FAM83B: variants seen among roughly 807,000 people sequenced by gnomAD.
FAM83B encodes the protein protein FAM83B.
In FAM83B, 26 loss-of-function variants were observed where a neutral mutation model predicts 38.8. That is an observed-to-expected ratio of 0.67 (90% CI 0.49 to 0.93). The LOEUF (loss-of-function observed/expected upper bound fraction) is 0.93, where lower values mean the gene tolerates loss of function less well. Ranked by LOEUF, FAM83B falls within the 40% of genes least tolerant of loss-of-function variation. The pLI is 0.00. For synonymous variants in FAM83B, 419 were observed against 423.1 expected, an observed-to-expected ratio of 0.99 and a Z score of 0.12; for missense variants, 1,237 against 1,197.3, an observed-to-expected ratio of 1.03 and a Z score of -0.49.
intron 2 of FAM83B, among the ~76,000 whole-genome samples, chr6:54,892,808 G>C (rs984126807): frequency 6.6e-6 from 1 of 151,946 alleles, no homozygotes; most frequent in Non-Finnish European, 1.5e-5. Context: ...CCCTCCAAAA[G>C]GTGGAGCCAA....
intron 2 of FAM83B, among the ~76,000 whole-genome samples, chr6:54,919,221 A>G (rs1773116417): frequency 6.6e-6 from 1 of 152,132 alleles, no homozygotes; most frequent in African/African-American, 2.4e-5. Context: ...TTTCCTTATT[A>G]GAGCAAAAGT....
chr6:54,869,488 A>AT (rs1771793378), intron 1 of FAM83B, among the ~76,000 whole-genome samples: 1 of 151,526 alleles, frequency 6.6e-6, no homozygotes, highest in Non-Finnish European at 1.5e-5. Context: ...TTTTTCTTTA[A>AT]TTTTTTTCTT....
At chr6:54,927,728 TA>T (rs1049777485) in intron 4 of FAM83B, 96 bp downstream of exon 4, 4,606 of 99,104 alleles carry the variant, frequency 0.046, 66 homozygotes, top group African/African-American at 0.064. Flanking sequence ...TTCTTAAAAG[TA>T]AAAAAAAAAA....
intron 4 of FAM83B, among the ~76,000 whole-genome samples, chr6:54,939,457 A>G (rs1362042959): frequency 6.6e-6 from 1 of 152,094 alleles, no homozygotes; most frequent in African/African-American, 2.4e-5. Flanking sequence ...TTGAAAATGC[A>G]CAGCAAGTTT....
chr6:54,916,708 C>A (rs1219463274), intron 2 of FAM83B, among the ~76,000 whole-genome samples: 1 of 152,154 alleles, frequency 6.6e-6, no homozygotes, highest in Non-Finnish European at 1.5e-5. Context: ...CAATATTATA[C>A]AAAGATCAAG....
chr6:54,860,464 G>A (rs1264992156), intron 1 of FAM83B, among the ~76,000 whole-genome samples: 2 of 152,100 alleles, frequency 1.3e-5, no homozygotes, highest in African/African-American at 4.8e-5. Flanking sequence ...AATGCAAAGG[G>A]ACTAGAATAT....
chr6:54,869,473 G>GT (rs930532992), intron 1 of FAM83B, among the ~76,000 whole-genome samples: 15 of 151,270 alleles, frequency 9.9e-5, no homozygotes, highest in Middle Eastern at 3.5e-3. Flanking sequence ...AGCATGCCAG[G>GT]TTTTTTTTTC....
rs754574418 is a variant in FAM83B, at chr6:54,927,630, C to T, written c.732C>T (p.Tyr244=). 5 of 1,563,566 alleles carry T rather than the reference C, an allele frequency of 3.2e-6. No homozygotes were observed. Among genetic ancestry groups the T allele is most frequent in the Non-Finnish European group, 4.3e-6 (5 of 1,154,060 alleles). The change falls in exon 4 of 5, where the codon TAC becomes TAT. Residue 244 remains tyrosine, a splice_region_variant and synonymous_variant. Coordinates refer to ENST00000306858, the MANE Select transcript of FAM83B (RefSeq NM_001010872.3). ...GCCAGAAAGTGATGTACGGTTCTTA[C>T]AGGTAAGATCATTGTGTTTAACTTC... ...VDCQKVMYGS[Y]SYMWSFEKAH...
At chr6:54,848,946 A>G (rs1226595060) in intron 1 of FAM83B, among the ~76,000 whole-genome samples, 1 of 152,182 alleles carries the variant, frequency 6.6e-6, no homozygotes, top group African/African-American at 2.4e-5. Context: ...TAAGTTGCAA[A>G]ATGTGAATGT....
At chr6:54,854,047 G>A (rs71560872) in intron 1 of FAM83B, among the ~76,000 whole-genome samples, 2,286 of 152,298 alleles carry the variant, frequency 0.015, 28 homozygotes, top group Middle Eastern at 0.085. Flanking sequence ...AGATATGGTG[G>A]AAATAGCAAG....
At chr6:54,882,449 C>T (rs960999037) in intron 2 of FAM83B, among the ~76,000 whole-genome samples, 2 of 152,136 alleles carry the variant, frequency 1.3e-5, no homozygotes, top group African/African-American at 4.8e-5. Context: ...TTTTTCTAGG[C>T]TTCAGAAGTA....
chr6:54,884,298 C>CT (rs1772213310), intron 2 of FAM83B, among the ~76,000 whole-genome samples: 2 of 24,720 alleles, frequency 8.1e-5, no homozygotes, highest in Non-Finnish European at 1.2e-4. Flanking sequence ...AAGACCCCGT[C>CT]TAAAAAAAAA....
chr6:54,920,292 G>T (rs1388068841), intron 2 of FAM83B, among the ~76,000 whole-genome samples: 3 of 151,056 alleles, frequency 2.0e-5, no homozygotes, highest in African/African-American at 7.3e-5. Flanking sequence ...TTTTTCAGTT[G>T]TGTTGAATTT....
intron 1 of FAM83B, among the ~76,000 whole-genome samples, chr6:54,864,008 T>C (rs1771646448): frequency 6.6e-6 from 1 of 152,210 alleles, no homozygotes; most frequent in African/African-American, 2.4e-5. Context: ...AAGCCATGTA[T>C]AATCCTTTGG....
At position 54,939,925 on chromosome 6, in the gene FAM83B, C is replaced by G; in HGVS notation, c.954C>G (p.Ser318Arg). 6.2e-7 allele frequency: 1 copy of G among 1,613,980 alleles called. No individual in the cohort carries two copies. Among genetic ancestry groups the G allele is most frequent in the Non-Finnish European group, 8.5e-7 (1 of 1,179,976 alleles). ...HSVSSLASVS[S>R]QRNLFGRQDK... is the part of the protein sequence containing the mutation. ...TGTCTTCATTAGCATCTGTTTCCAG[C>G]CAGAGAAACCTTTTTGGTAGACAAG... Residue 318 changes from serine to arginine, a missense_variant, in exon 5 of 5, where the codon AGC (serine) becomes AGG (arginine). Ser to Arg is a moderately radical substitution (Grantham distance 110). Coordinates refer to ENST00000306858, the MANE Select transcript of FAM83B (RefSeq NM_001010872.3).
intron 2 of FAM83B, among the ~76,000 whole-genome samples, chr6:54,875,025 T>A (rs1771957806): frequency 6.6e-6 from 1 of 152,150 alleles, no homozygotes; most frequent in African/African-American, 2.4e-5. Flanking sequence ...GAGCTGATAT[T>A]ATAAAAGTAG....
At chr6:54,923,866 C>CTT (rs71547979) in intron 2 of FAM83B, among the ~76,000 whole-genome samples, 5 of 142,562 alleles carry the variant, frequency 3.5e-5, no homozygotes, top group South Asian at 2.3e-4. Flanking sequence ...TTTCTTTTTT[C>CTT]TTTTTTTTTT....
At chr6:54,899,861 C>T (rs1259445280) in intron 2 of FAM83B, among the ~76,000 whole-genome samples, 1 of 152,098 alleles carries the variant, frequency 6.6e-6, no homozygotes, top group African/African-American at 2.4e-5. Context: ...ATGTTGTTCA[C>T]ATGTTCATTT....
intron 4 of FAM83B, among the ~76,000 whole-genome samples, chr6:54,933,440 A>G (rs1331426140): frequency 6.6e-6 from 1 of 151,814 alleles, no homozygotes; most frequent in Non-Finnish European, 1.5e-5. Flanking sequence ...GCATTTTTAT[A>G]GCAGTTATTT....
Sources: gnomAD v4.1 joint callset for allele counts (sites outside exome capture counted in the v4.1 genomes callset) on GRCh38, gnomAD v4.1.1 for gene constraint, MANE v1.5 for transcripts, NCBI Gene and HGNC (gene_info 2026-07-23, HGNC 2026-07-21) for gene names.